CNBD1: variants seen among roughly 807,000 people sequenced by gnomAD.
CNBD1 encodes cyclic nucleotide-binding domain-containing protein 1.
In CNBD1, 71 loss-of-function variants were observed where a neutral mutation model predicts 54.4. That is an observed-to-expected ratio of 1.30 (90% CI 1.08 to 1.59). The LOEUF is 1.59. Among genes scored for constraint, CNBD1 ranks in the 40% most tolerant of loss-of-function variants. The pLI is 0.00. For synonymous variants in CNBD1, 182 were observed against 170.7 expected (o/e 1.07, Z -0.51); for missense variants, 659 against 518.0 (o/e 1.27, Z -2.64).
chr8:87,390,731 C>T (rs956737967), intron 2 of CNBD1, among the ~76,000 whole-genome samples: 1 of 152,054 alleles, frequency 6.6e-6, no homozygotes, highest in African/African-American at 2.4e-5. Flanking sequence ...CCCAGCCATC[C>T]CATTACTGGG....
intron 4 of CNBD1, among the ~76,000 whole-genome samples, chr8:86,970,570 T>C (rs889490398): frequency 6.6e-6 from 1 of 150,596 alleles, no homozygotes. Context: ...TTACTAAGCA[T>C]AGTAATCAAT....
At chr8:86,916,403 C>T (rs1809185881) in intron 3 of CNBD1, among the ~76,000 whole-genome samples, 1 of 152,120 alleles carries the variant, frequency 6.6e-6, no homozygotes, top group Admixed American at 6.6e-5. Flanking sequence ...TGGTTCTTCC[C>T]TTGGGGTGGG....
intron 5 of CNBD1, 28 bp from the exon 6 acceptor site, chr8:87,236,891 A>G (rs761745228): frequency 1.6e-5 from 23 of 1,468,476 alleles, no homozygotes; most frequent in Middle Eastern, 3.5e-4. Flanking sequence ...AGCACACAGT[A>G]TATATTTTTT....
intron 8 of CNBD1, among the ~76,000 whole-genome samples, chr8:87,288,279 A>G (rs1418678959): frequency 1.3e-5 from 2 of 151,652 alleles, no homozygotes; most frequent in African/African-American, 4.8e-5. Context: ...TGGTTGCTTT[A>G]TTTTTTATGG....
intron 4 of CNBD1, among the ~76,000 whole-genome samples, chr8:87,057,530 C>A (rs759818998): frequency 6.6e-5 from 10 of 152,172 alleles, no homozygotes; most frequent in Non-Finnish European, 1.2e-4. Context: ...CTGGCCCCTT[C>A]CACATGTCAT....
At chr8:87,089,818 A>G (rs1811171616) in intron 4 of CNBD1, among the ~76,000 whole-genome samples, 1 of 152,034 alleles carries the variant, frequency 6.6e-6, no homozygotes, top group African/African-American at 2.4e-5. Flanking sequence ...TAGTGTTGAA[A>G]TGCTACTTGT....
chr8:86,943,365 CAAAAAAAA>C (rs1158061860), intron 4 of CNBD1, among the ~76,000 whole-genome samples: 4 of 32,576 alleles, frequency 1.2e-4, no homozygotes, highest in South Asian at 1.7e-3. Context: ...GACTCCATCT[CAAAAAAAA>C]AAAAAAAAAA....
intron 4 of CNBD1, among the ~76,000 whole-genome samples, chr8:87,024,414 A>G (rs13255688): frequency 6.6e-6 from 1 of 151,440 alleles, no homozygotes; most frequent in South Asian, 2.1e-4. Context: ...ATCTTGGCTC[A>G]CTGCAACCTT....
At chr8:86,887,699 C>CT (rs2032450848) in intron 2 of CNBD1, 88 bp downstream of exon 2, 2 of 923,304 alleles carry the variant, frequency 2.2e-6, no homozygotes, top group African/African-American at 1.7e-5. Flanking sequence ...TAAACCATTG[C>CT]TGGCTCTCAG....
At chr8:87,064,029 A>T (rs766159857) in intron 4 of CNBD1, among the ~76,000 whole-genome samples, 9 of 152,028 alleles carry the variant, frequency 5.9e-5, no homozygotes, top group Non-Finnish European at 1.2e-4. Flanking sequence ...ATATACAATC[A>T]TATTATCTGT....
intron 2 of CNBD1, among the ~76,000 whole-genome samples, chr8:87,388,928 A>G (rs1247991489): frequency 6.6e-6 from 1 of 152,194 alleles, no homozygotes; most frequent in Admixed American, 6.5e-5. Flanking sequence ...CATCCCTGTG[A>G]TGCAAGGCTG....
intron 6 of CNBD1, among the ~76,000 whole-genome samples, chr8:87,280,451 A>G (rs1808577609): frequency 6.6e-6 from 1 of 151,570 alleles, no homozygotes; most frequent in Admixed American, 6.6e-5. Flanking sequence ...TCATCTATTG[A>G]CGAGATTATG....
At chr8:87,079,748 A>G (rs796073692) in intron 4 of CNBD1, among the ~76,000 whole-genome samples, 2 of 152,226 alleles carry the variant, frequency 1.3e-5, no homozygotes, top group South Asian at 2.1e-4. Flanking sequence ...ATGTATTGCA[A>G]ATATTTTTCC....
At chr8:86,955,157 A>G (rs1221366923) in intron 4 of CNBD1, among the ~76,000 whole-genome samples, 1 of 152,170 alleles carries the variant, frequency 6.6e-6, no homozygotes, top group Non-Finnish European at 1.5e-5. Context: ...TACAAAGGAC[A>G]TGAACTCATC....
intron 4 of CNBD1, among the ~76,000 whole-genome samples, chr8:87,088,148 A>G (rs941746472): frequency 1.3e-5 from 2 of 152,146 alleles, no homozygotes; most frequent in African/African-American, 4.8e-5. Context: ...TAAAGTGCTT[A>G]TTAGTTTTTT....
At chr8:87,231,372 A>C (rs928035062) in intron 5 of CNBD1, among the ~76,000 whole-genome samples, 2 of 152,262 alleles carry the variant, frequency 1.3e-5, no homozygotes, top group African/African-American at 4.8e-5. Flanking sequence ...AAAGAATTCT[A>C]TGTCAAATTA....
chr8:87,034,570 A>G (rs1182934945), intron 4 of CNBD1, among the ~76,000 whole-genome samples: 2 of 152,318 alleles, frequency 1.3e-5, no homozygotes, highest in East Asian at 1.9e-4. Context: ...CCATGTAGGT[A>G]TGATCTGTTC....
At chr8:87,365,383 G>A (rs1338461673) in intron 10 of CNBD1, among the ~76,000 whole-genome samples, 1 of 151,796 alleles carries the variant, frequency 6.6e-6, no homozygotes, top group Non-Finnish European at 1.5e-5. Flanking sequence ...GTTACTTATA[G>A]ATTCTGGATA....
intron 8 of CNBD1, among the ~76,000 whole-genome samples, chr8:87,346,137 AT>A (rs1301401573): frequency 6.6e-6 from 1 of 151,734 alleles, no homozygotes; most frequent in Non-Finnish European, 1.5e-5. Flanking sequence ...TGCCTCCCTG[AT>A]TTAAGTGATT....
Sources: allele counts gnomAD v4.1 joint callset (sites outside exome capture counted in the v4.1 genomes callset), GRCh38; gene constraint gnomAD v4.1.1; transcripts MANE v1.5; gene names NCBI Gene and HGNC (gene_info 2026-07-23, HGNC 2026-07-21).